The following SERINC5 variants were observed in gnomAD, a reference collection of about 807,000 sequenced individuals.
The protein encoded by SERINC5 is serine incorporator 5, also known as chromosome 5 open reading frame 12.
A neutral mutation model predicts 63.1 loss-of-function variants in SERINC5; 41 were observed. The observed-to-expected ratio is 0.65, with a 90% CI of 0.51 to 0.84. The LOEUF (loss-of-function observed/expected upper bound fraction) is 0.84. Among genes scored for constraint, SERINC5 ranks in the 40% least tolerant of loss-of-function variants. The pLI is 0.00. For synonymous variants in SERINC5, 222 were observed against 215.2 expected (o/e 1.03, Z -0.28); for missense variants, 523 against 573.0 (o/e 0.91, Z 0.89).
chr5:80,204,547 C>T (rs748456533), intron 1 of SERINC5, among the ~76,000 whole-genome samples: 1 of 152,146 alleles, frequency 6.6e-6, no homozygotes, highest in African/African-American at 2.4e-5. Context: ...AAGCTTTCAT[C>T]GGAATTGTTC....
intron 11 of SERINC5, among the ~76,000 whole-genome samples, chr5:80,120,085 G>GT (rs1405179938): frequency 5.9e-5 from 9 of 152,170 alleles, no homozygotes; most frequent in African/African-American, 2.2e-4. Flanking sequence ...GGCTATACCT[G>GT]TCAGGGTAGT....
intron 1 of SERINC5, among the ~76,000 whole-genome samples, chr5:80,211,757 G>A (rs1346085223): frequency 2.0e-5 from 3 of 152,212 alleles, no homozygotes; most frequent in African/African-American, 4.8e-5. Flanking sequence ...CATGGTCTAC[G>A]TTCTGCATGG....
chr5:80,113,896 G>A (rs1428362000), intron 11 of SERINC5, among the ~76,000 whole-genome samples: 2 of 151,886 alleles, frequency 1.3e-5, no homozygotes, highest in African/African-American at 2.4e-5. Context: ...GCCATGCTGT[G>A]TGCCCCCCCA....
chr5:80,242,809 G>T (rs1415286060), intron 1 of SERINC5, among the ~76,000 whole-genome samples: 1 of 152,116 alleles, frequency 6.6e-6, no homozygotes, highest in African/African-American at 2.4e-5. Context: ...TGTAATCCCA[G>T]CTACTCCAGA....
chr5:80,255,935 T>G lies in SERINC5; in HGVS notation c.-13A>C. The G allele has an allele frequency of 2.6e-6, 4 of 1,548,116 alleles. No homozygotes were observed. The highest frequency in any genetic ancestry group is 3.5e-6 in the Non-Finnish European group (4 of 1,156,022). ...ACTGAGCTGACATCGCGGCGGCCAA[T>G]GCCGAAGGCGCGCTCGCTGGCTCCC... is the stretch of plus-strand genomic sequence containing the variant. On this transcript the variant is annotated 5_prime_UTR_variant, in exon 1 of 12. Coordinates refer to ENST00000507668, the MANE Select transcript of SERINC5 (RefSeq NM_001174072.3).
chr5:80,142,228 G>A lies in SERINC5; in HGVS notation c.*1435C>T. The A allele has an allele frequency of 1.0e-6, 1 of 982,960 alleles. No individual in the cohort carries two copies. Among genetic ancestry groups the A allele is most frequent in the South Asian group, 4.7e-5 (1 of 21,082 alleles). The allele number at this position is 982,960 out of a possible 1,614,324, so 60.9% of individuals were successfully genotyped here. A position where few individuals can be genotyped will look rare whatever the true frequency, so the allele number is the denominator to read the frequency against. ...AACACTGAAAATAGGCATCATCTTG[G>A]GTAGCTGCCGAAAGTCACGTTTCTG... On this transcript the variant is annotated 3_prime_UTR_variant, in exon 12 of 12. Transcript: ENST00000507668.
rs979010422 is a variant in SERINC5 at position 80,139,867 on chromosome 5, G to A, written c.*3796C>T. The A allele has an allele frequency of 2.9e-5, 29 of 985,098 alleles. No homozygotes were observed. Among genetic ancestry groups the A allele is most frequent in the East Asian group, 2.3e-4 (2 of 8,808 alleles). 61.0% of individuals were successfully genotyped at this position (985,098 alleles called of 1,614,324 possible). A position where few individuals can be genotyped will look rare whatever the true frequency, so the allele number is the denominator to read the frequency against. On this transcript the variant is annotated 3_prime_UTR_variant, in exon 12 of 12. Transcript: ENST00000507668. ...TTAGTTGTAGGTTGGGCCCTCTTTC[G>A]TTTCCAAGAGGTATAGGACACTAGA...
At chr5:80,228,719 A>G (rs1432449829) in intron 1 of SERINC5, among the ~76,000 whole-genome samples, 1 of 152,088 alleles carries the variant, frequency 6.6e-6, no homozygotes, top group Non-Finnish European at 1.5e-5. Flanking sequence ...ATGAACCACC[A>G]TGCCCAGCCA....
In SERINC5 at chr5:80,158,927, C is replaced by G. The variant is rs756495613; in HGVS notation, c.895G>C (p.Val299Leu). Reference sequence around the variant, plus strand: ...TACAGGTCTTGACCAAAGTCAGGCACACAGATTGTAACATTTTTCCCATGT... The same window carrying G: ...TACAGGTCTTGACCAAAGTCAGGCAGACAGATTGTAACATTTTTCCCATGT... Reference protein sequence around the residue: ...DEHGKNVTICVPDFGQDLYRD... With the variant: ...DEHGKNVTICLPDFGQDLYRD... The change falls in exon 8 of 12, where the codon GTG becomes CTG. Residue 299 changes from valine (V) to leucine (L), a missense_variant. Coordinates refer to ENST00000507668, the MANE Select transcript of SERINC5 (RefSeq NM_001174072.3). The G allele has an allele frequency of 8.4e-5, 135 of 1,613,678 alleles. No individual in the cohort carries two copies. The highest frequency in any genetic ancestry group is 1.1e-4 in the Non-Finnish European group (132 of 1,179,814).
chr5:80,143,773 T>G lies in SERINC5; in HGVS notation c.1276A>C (p.Ser426Arg), dbSNP rs1248978048. ...ATCTTGACCCAGAAGATGGACCAGC[T>G]CCCGCTGAAGAAGCTCTCGATGTTG... Reference protein sequence around the residue: ...SANIESFFSGSWSIFWVKMAS... With the variant: ...SANIESFFSGRWSIFWVKMAS... The change falls in exon 12 of 12, where the codon AGC becomes CGC. Residue 426 changes from serine to arginine, a missense_variant. Ser to Arg is a moderately radical substitution (Grantham distance 110). Transcript: ENST00000507668. The G allele has an allele frequency of 1.3e-6, 2 of 1,536,038 alleles. No homozygotes were observed. Among genetic ancestry groups the G allele is most frequent in the Non-Finnish European group, 1.7e-6 (2 of 1,146,856 alleles).
chr5:80,237,584 C>T (rs941619163), intron 1 of SERINC5, among the ~76,000 whole-genome samples: 3 of 151,998 alleles, frequency 2.0e-5, no homozygotes, highest in Non-Finnish European at 4.4e-5. Context: ...ATCCGCCCAC[C>T]TCGGCCTCCC....
Position 80,141,204 on chromosome 5 carries a change from A to G in SERINC5, c.*2459T>C. 2.0e-6 allele frequency: 2 copies of G among 985,452 alleles called. No individual in the cohort carries two copies. The highest frequency in any genetic ancestry group is 2.4e-6 in the Non-Finnish European group (2 of 829,932). 61.0% of individuals were successfully genotyped at this position (985,452 alleles called of 1,614,324 possible). On this transcript the variant is annotated 3_prime_UTR_variant, in exon 12 of 12. Coordinates refer to ENST00000507668, the MANE Select transcript of SERINC5 (RefSeq NM_001174072.3). ...CGTGCTAACATTTTCAGCTGAGAATAAAATTCAGAGCAACTGTAACTCTTC... is the reference window on the plus strand; with the variant it reads ...CGTGCTAACATTTTCAGCTGAGAATGAAATTCAGAGCAACTGTAACTCTTC...
chr5:80,244,553 G>A (rs1256499085), intron 1 of SERINC5, among the ~76,000 whole-genome samples: 1 of 151,512 alleles, frequency 6.6e-6, no homozygotes, highest in African/African-American at 2.4e-5. Context: ...GGTCTCGGCC[G>A]GGCACAGTGG....
chr5:80,196,292 G>A (rs1749495290), intron 2 of SERINC5, among the ~76,000 whole-genome samples: 2 of 151,922 alleles, frequency 1.3e-5, no homozygotes, highest in African/African-American at 4.8e-5. Flanking sequence ...AGTGTTAGAG[G>A]CACAGGCAAA....
intron 5 of SERINC5, among the ~76,000 whole-genome samples, chr5:80,171,220 G>T (rs1747633795): frequency 6.6e-6 from 1 of 151,972 alleles, no homozygotes; most frequent in Admixed American, 6.6e-5. Context: ...TCTTGGCCAG[G>T]CTGGTCTTGA....
intron 1 of SERINC5, among the ~76,000 whole-genome samples, chr5:80,242,654 G>A (rs1751997185): frequency 6.6e-6 from 1 of 152,160 alleles, no homozygotes; most frequent in South Asian, 2.1e-4. Context: ...GGAGGCTGAG[G>A]CAGGAGAATC....
chr5:80,190,458 A>G (rs988037486), intron 2 of SERINC5, among the ~76,000 whole-genome samples: 12 of 152,126 alleles, frequency 7.9e-5, no homozygotes, highest in African/African-American at 2.7e-4. Context: ...ATTCCGTACT[A>G]TATGTTACAT....
chr5:80,228,483 T>TTG (rs1199995668), intron 1 of SERINC5, among the ~76,000 whole-genome samples: 1 of 151,624 alleles, frequency 6.6e-6, no homozygotes, highest in Non-Finnish European at 1.5e-5. Flanking sequence ...TAAGAAAGGG[T>TTG]CTCATTCTGT....
intron 1 of SERINC5, among the ~76,000 whole-genome samples, chr5:80,246,025 G>C (rs536083059): frequency 1.4e-5 from 2 of 143,772 alleles, no homozygotes; most frequent in Non-Finnish European, 3.0e-5. Context: ...CAAAGTCCTA[G>C]AGTCCTTAGG....
Sources: gnomAD v4.1 joint callset for allele counts (sites outside exome capture counted in the v4.1 genomes callset) on GRCh38, gnomAD v4.1.1 for gene constraint, MANE v1.5 for transcripts, NCBI Gene and HGNC (gene_info 2026-07-23, HGNC 2026-07-21) for gene names.